ADTRP: variants seen among roughly 807,000 people sequenced by gnomAD.
ADTRP encodes androgen dependent TFPI regulating protein.
A neutral mutation model predicts 27.0 loss-of-function variants in ADTRP; 20 were observed. That is an observed-to-expected ratio of 0.74 (90% CI 0.52 to 1.08). The LOEUF is 1.08. ADTRP is among the 50% of genes least tolerant of loss of function. The probability of loss-of-function intolerance (pLI) is 0.00; values close to 1 mark genes in which losing one functional copy is unlikely to be tolerated. For synonymous variants in ADTRP, 101 were observed against 105.2 expected, an observed-to-expected ratio of 0.96 and a Z score of 0.25; for missense variants, 251 against 275.0, an observed-to-expected ratio of 0.91 and a Z score of 0.62.
Position 11,723,353 on chromosome 6 carries a change from T to G in ADTRP, c.654A>C (p.Lys218Asn). ...CTAAGAAAGAAATACACTGACCCCATTTCCAGTGGTTGAGCTTCTCTCCAA... is the reference window on the plus strand; with the variant it reads ...CTAAGAAAGAAATACACTGACCCCAGTTCCAGTGGTTGAGCTTCTCTCCAA... ...YLLGEKLNHW[K>N]WGDMRQPRKK... The change falls in exon 5 of 6, where the codon AAA (lysine) becomes AAC (asparagine). Residue 218 changes from lysine (K) to asparagine (N), a missense_variant. Lys to Asn is a moderately conservative substitution (Grantham distance 94, BLOSUM62 0). Coordinates refer to ENST00000414691, the MANE Select transcript of ADTRP (RefSeq NM_032744.4). 6.2e-7 allele frequency: 1 copy of G among 1,614,042 alleles called. No homozygotes were observed. The highest frequency in any genetic ancestry group is 8.5e-7 in the Non-Finnish European group (1 of 1,179,988).
intron 4 of ADTRP, chr6:11,728,611 C>T (rs763816883): frequency 1.3e-5 from 2 of 152,222 alleles, no homozygotes; most frequent in Non-Finnish European, 2.9e-5. Context: ...AATGCTTACG[C>T]CAGGTGCTTC....
At chr6:11,768,499 T>G in intron 1 of ADTRP, 116 bp from the exon 2 acceptor site, 1 of 1,362,348 alleles carries the variant, frequency 7.3e-7, no homozygotes, top group African/African-American at 1.5e-5. Flanking sequence ...AGAGGGCTGT[T>G]GGGTTGTTTT....
At chr6:11,733,154 G>A (rs1458717834) in intron 4 of ADTRP, among the ~76,000 whole-genome samples, 2 of 152,202 alleles carry the variant, frequency 1.3e-5, no homozygotes, top group African/African-American at 4.8e-5. Flanking sequence ...ATTGACTGAT[G>A]TTATCATCAG....
intron 3 of ADTRP, among the ~76,000 whole-genome samples, chr6:11,737,888 A>T (rs1021744478): frequency 1.3e-5 from 2 of 152,204 alleles, no homozygotes; most frequent in African/African-American, 4.8e-5. Context: ...ATATTTCTTC[A>T]GTCTGATTTT....
intron 4 of ADTRP, among the ~76,000 whole-genome samples, chr6:11,729,349 G>A (rs948748943): frequency 6.6e-5 from 10 of 152,154 alleles, no homozygotes; most frequent in South Asian, 4.2e-4. Flanking sequence ...ACCTCATCAC[G>A]GCATTTAGAG....
In ADTRP at chr6:11,766,297, G is replaced by A. The variant is rs1763569994; in HGVS notation, c.367C>T (p.Pro123Ser). The A allele has an allele frequency of 6.2e-7, 1 of 1,611,958 alleles. No individual in the cohort carries two copies. Among genetic ancestry groups the A allele is most frequent in the East Asian group, 2.2e-5 (1 of 44,798 alleles). The change falls in exon 3 of 6, where the codon CCC becomes TCC. Residue 123 changes from proline (P) to serine (S), a missense_variant. Pro to Ser is a moderately conservative substitution (Grantham distance 74). Transcript: ENST00000414691. ...IYPKVLDTVI[P>S]VWLNHAMHTF... ...ACCATTGCATGATTCAGCCACACGG[G>A]GATGACAGTATCTAGGACCTTGGGG... is the stretch of plus-strand genomic sequence containing the variant.
chr6:11,763,454 G>A (rs888492064), intron 3 of ADTRP, among the ~76,000 whole-genome samples: 2 of 152,214 alleles, frequency 1.3e-5, no homozygotes, highest in East Asian at 3.9e-4. Context: ...TGGCACTGGC[G>A]ATGGAAGGCA....
At chr6:11,722,922 A>G (rs1762064336) in intron 5 of ADTRP, among the ~76,000 whole-genome samples, 2 of 152,132 alleles carry the variant, frequency 1.3e-5, no homozygotes, top group Non-Finnish European at 2.9e-5. Context: ...AGGAGCTGAG[A>G]GGGCTATCTG....
At chr6:11,734,039 C>T (rs1161076407) in intron 4 of ADTRP, among the ~76,000 whole-genome samples, 1 of 152,134 alleles carries the variant, frequency 6.6e-6, no homozygotes, top group African/African-American at 2.4e-5. Context: ...ACCAGATTTA[C>T]ACTTGGCAAT....
Position 11,767,347 on chromosome 6 carries a change from C to T in ADTRP, c.288+902G>A, listed in dbSNP as rs571999325. Among the ~76,000 whole-genome samples the T allele has an allele frequency of 9.6e-4, 146 of 152,268 alleles. 1 individual carries two copies. Among genetic ancestry groups the T allele is most frequent in the Non-Finnish European group, 1.6e-3 (110 of 68,016 alleles). ...GACTTTATCTCAAACCCCTCCCCTA[C>T]CCCCCAAAACCAAAAAGCTTGGTCA... On this transcript the variant is annotated intron_variant, in intron 2 of 5. Transcript: ENST00000414691.
At chr6:11,760,473 A>T (rs1763360794) in intron 3 of ADTRP, among the ~76,000 whole-genome samples, 2 of 152,292 alleles carry the variant, frequency 1.3e-5, no homozygotes, top group Non-Finnish European at 2.9e-5. Context: ...CACCTCCTTC[A>T]CGATCTCCTT....
chr6:11,770,772 C>T lies in ADTRP; in HGVS notation c.154-2389G>A, dbSNP rs185754178. 7.2e-5 allele frequency among the ~76,000 whole-genome samples: 11 copies of T among 152,206 alleles called. No homozygotes were observed. In the South Asian group the frequency reaches 1.0e-3, roughly 14 times the overall value. On this transcript the variant is annotated intron_variant, in intron 1 of 5. Coordinates refer to ENST00000414691, the MANE Select transcript of ADTRP (RefSeq NM_032744.4). Reference sequence around the variant, plus strand: ...TTTGCACAGGGAGTTGGGAGAAGTTCCCTCCTCTCTCCCTCCCCCACCAGT... The same window carrying T: ...TTTGCACAGGGAGTTGGGAGAAGTTTCCTCCTCTCTCCCTCCCCCACCAGT...
At position 11,770,806 on chromosome 6, in the gene ADTRP, C is replaced by T. The variant is rs574381322; in HGVS notation, c.154-2423G>A. On this transcript the variant is annotated intron_variant, in intron 1 of 5. Transcript: ENST00000414691. ...CTCCCTCCCCCACCAGTAGCCTCGC[C>T]TCACCCTGGTTTCACTTCCAGCCGC... Among the ~76,000 whole-genome samples the T allele has an allele frequency of 1.2e-3, 181 of 152,270 alleles. 2 individuals are homozygous for T. Among genetic ancestry groups the T allele is most frequent in the African/African-American group, 4.2e-3 (173 of 41,552 alleles).
intron 2 of ADTRP, 86 bp downstream of exon 2, chr6:11,768,163 G>A: frequency 2.6e-6 from 4 of 1,520,654 alleles, no homozygotes; most frequent in South Asian, 1.3e-5. Flanking sequence ...TCCAATTATG[G>A]GCTCCCAAAC....
At position 11,778,596 on chromosome 6, in the gene ADTRP, T is replaced by A. The variant is rs1324759017; in HGVS notation, c.153+11A>T. 2 of 1,613,652 alleles carry A rather than the reference T, an allele frequency of 1.2e-6. No homozygotes were observed. Among genetic ancestry groups the A allele is most frequent in the South Asian group, 2.2e-5 (2 of 91,006 alleles). The stretch of plus-strand genomic sequence containing the variant: ...AATGGATCGGTTCCTGGTACGGACA[T>A]ATGGACTTACCAGATTAAGCAGCGT... On this transcript the variant is annotated intron_variant, in intron 1 of 5. Coordinates refer to ENST00000414691, the MANE Select transcript of ADTRP (RefSeq NM_032744.4).
At chr6:11,751,128 C>CCTCCCA (rs1554114252) in intron 3 of ADTRP, among the ~76,000 whole-genome samples, 1 of 152,192 alleles carries the variant, frequency 6.6e-6, no homozygotes, top group Non-Finnish European at 1.5e-5. Flanking sequence ...GGATTACAGG[C>CCTCCCA]GTGAACCACT....
At chr6:11,738,615 C>T (rs1268303947) in intron 3 of ADTRP, 1 of 152,272 alleles carries the variant, frequency 6.6e-6, no homozygotes, top group Non-Finnish European at 1.5e-5. Flanking sequence ...TCATTTGGAA[C>T]AGAATTCCTG....
At chr6:11,771,491 A>T (rs1383912674) in intron 1 of ADTRP, among the ~76,000 whole-genome samples, 1 of 152,190 alleles carries the variant, frequency 6.6e-6, no homozygotes, top group Non-Finnish European at 1.5e-5. Flanking sequence ...GGAGGCTTCC[A>T]GGAGGGCAGC....
At chr6:11,770,234 A>AG in intron 1 of ADTRP, 2 of 728,770 alleles carry the variant, frequency 2.7e-6, no homozygotes, top group Non-Finnish European at 4.6e-6. Flanking sequence ...CCACCCCCAG[A>AG]GATTCTAATG....
Sources: gnomAD v4.1 joint callset for allele counts (sites outside exome capture counted in the v4.1 genomes callset) on GRCh38, gnomAD v4.1.1 for gene constraint, MANE v1.5 for transcripts, NCBI Gene and HGNC (gene_info 2026-07-23, HGNC 2026-07-21) for gene names.